The following SH3TC1 variants were observed in gnomAD, a reference collection of about 807,000 sequenced individuals.
SH3TC1 encodes the protein SH3 domain and tetratricopeptide repeat-containing protein 1.
Under a neutral mutation model 117.3 loss-of-function variants are expected in SH3TC1, and 135 were observed. The observed-to-expected ratio is 1.15, with a 90% CI of 1.00 to 1.33. SH3TC1 has a LOEUF of 1.33. Among genes scored for constraint, SH3TC1 ranks in the 40% most tolerant of loss-of-function variants. The pLI, the probability that SH3TC1 is intolerant of heterozygous loss-of-function variation, is 0.00. For synonymous variants in SH3TC1, 898 were observed against 816.9 expected (o/e 1.10, Z -1.69); for missense variants, 2,092 against 1,794.3 (o/e 1.17, Z -3.00).
Position 8,228,442 on chromosome 4 carries a change from G to A in SH3TC1, c.2748G>A (p.Ala916=), listed in dbSNP as rs139620072. ...LANFGALCLH[A]GASRLAQHYL... is the part of the protein sequence containing the mutation. ...ACTTCGGGGCCCTGTGCCTGCATGC[G>A]GGTGCCAGCAGGCTGGCCCAGCACT... Residue 916 remains alanine (A), a synonymous_variant, in exon 12 of 18, where the codon GCG becomes GCA. Transcript: ENST00000245105. The A allele has an allele frequency of 9.2e-5, 148 of 1,604,806 alleles. No homozygotes were observed. In the African/African-American group the frequency reaches 1.5e-3, roughly 16 times the overall value.
chr4:8,233,954 C>T (rs944966501), intron 14 of SH3TC1, among the ~76,000 whole-genome samples: 1 of 143,876 alleles, frequency 7.0e-6, no homozygotes, highest in Non-Finnish European at 1.6e-5. Flanking sequence ...ACCCATCAAT[C>T]CATCCATTCA....
chr4:8,191,737 C>A (rs1230950341), intron 1 of SH3TC1, among the ~76,000 whole-genome samples: 1 of 152,086 alleles, frequency 6.6e-6, no homozygotes, highest in Admixed American at 6.5e-5. Context: ...TTGTGCAGGT[C>A]CTTCCCCCCA....
chr4:8,208,747 C>T (rs1718410067), intron 2 of SH3TC1, among the ~76,000 whole-genome samples: 1 of 152,242 alleles, frequency 6.6e-6, no homozygotes, highest in Admixed American at 6.5e-5. Context: ...GCTCTGGCCA[C>T]ACCGGGCGAG....
intron 1 of SH3TC1, chr4:8,201,360 G>A (rs1717827805): frequency 6.6e-6 from 1 of 152,382 alleles, no homozygotes; most frequent in Non-Finnish European, 1.5e-5. Context: ...CCGGGGTTTG[G>A]CCCCACGTCT....
intron 17 of SH3TC1, among the ~76,000 whole-genome samples, chr4:8,239,691 C>T (rs932997035): frequency 7.9e-5 from 12 of 152,242 alleles, no homozygotes; most frequent in East Asian, 1.9e-4. Flanking sequence ...GGATGCCACC[C>T]GCTTCAGGAA....
chr4:8,237,920 C>T (rs187612110), intron 17 of SH3TC1, among the ~76,000 whole-genome samples: 5 of 152,172 alleles, frequency 3.3e-5, no homozygotes, highest in South Asian at 2.1e-4. Context: ...GGTGGCCTCT[C>T]GGTAAAGAAG....
rs1389001250 is a variant in SH3TC1, at chr4:8,235,575, G to A, written c.3405+20G>A. 5 of 1,573,436 alleles carry A rather than the reference G, an allele frequency of 3.2e-6. No individual in the cohort carries two copies. The highest frequency in any genetic ancestry group is 4.3e-6 in the Non-Finnish European group (5 of 1,157,480). On this transcript the variant is annotated intron_variant, in intron 15 of 17. Transcript: ENST00000245105. ...TACCGGGTGAGCTGGCCTGTGGGCTGATGTGGGTGGGCCCCAGGGGGGGCA... is the reference window on the plus strand; with the variant it reads ...TACCGGGTGAGCTGGCCTGTGGGCTAATGTGGGTGGGCCCCAGGGGGGGCA...
chr4:8,238,977 C>T (rs1722075522), intron 17 of SH3TC1, among the ~76,000 whole-genome samples: 1 of 152,204 alleles, frequency 6.6e-6, no homozygotes, highest in Non-Finnish European at 1.5e-5. Flanking sequence ...TCCAAGGCCA[C>T]ACCCTCCTCC....
chr4:8,231,303 G>C (rs921584607), intron 12 of SH3TC1: 5 of 152,540 alleles, frequency 3.3e-5, no homozygotes, highest in Admixed American at 6.5e-5. Context: ...TGTGGGGCCT[G>C]GCACGTGGCC....
At chr4:8,200,101 A>G (rs1281120) in intron 1 of SH3TC1, among the ~76,000 whole-genome samples, 148,678 of 152,338 alleles carry the variant, frequency 0.98, 72,615 homozygotes, top group East Asian at 1. Context: ...GGGAGTTTCC[A>G]ACCTTTTGCC....
intron 1 of SH3TC1, among the ~76,000 whole-genome samples, chr4:8,193,627 T>C (rs545289522): frequency 2.8e-4 from 42 of 152,322 alleles, no homozygotes; most frequent in African/African-American, 9.9e-4. Flanking sequence ...TCCCAGTCAG[T>C]TTCCTCCACT....
At chr4:8,188,045 T>C (rs1717284986) in intron 1 of SH3TC1, among the ~76,000 whole-genome samples, 1 of 152,210 alleles carries the variant, frequency 6.6e-6, no homozygotes, top group Non-Finnish European at 1.5e-5. Flanking sequence ...CGTTACTTCC[T>C]GATGCGACAA....
intron 2 of SH3TC1, among the ~76,000 whole-genome samples, chr4:8,208,810 C>T (rs74896408): frequency 0.093 from 14,092 of 152,304 alleles, 925 homozygotes; most frequent in Non-Finnish European, 0.13. Context: ...AACACCGTCC[C>T]AATGCAAGGC....
intron 5 of SH3TC1, chr4:8,215,083 A>C: frequency 4.5e-6 from 2 of 448,690 alleles, no homozygotes; most frequent in South Asian, 3.1e-5. Context: ...GCGGAGTCGT[A>C]GACGGATGTG....
chr4:8,233,527 G>A lies in SH3TC1; in HGVS notation c.3282+14G>A. On this transcript the variant is annotated intron_variant, in intron 14 of 17. Transcript: ENST00000245105. The stretch of plus-strand genomic sequence containing the variant: ...CTCTACATCCAGGTGAGTGATGAGG[G>A]ATGCAGGAGGGCCTCTGCACATGTT... The A allele has an allele frequency of 1.3e-6, 2 of 1,595,284 alleles. No individual in the cohort carries two copies. Among genetic ancestry groups the A allele is most frequent in the Non-Finnish European group, 1.7e-6 (2 of 1,170,778 alleles).
rs528065775 is a variant in SH3TC1 at position 8,210,615 on chromosome 4, T to C, written c.247+793T>C. 6.6e-6 allele frequency among the ~76,000 whole-genome samples: 1 copy of C among 151,910 alleles called. No homozygotes were observed. The highest frequency in any genetic ancestry group is 2.4e-5 in the African/African-American group (1 of 41,426). ...GGTGAAACCCCATCTCTACTAAAAA[T>C]ACAAAAATTAGCTGGCGCATGCCTG... On this transcript the variant is annotated intron_variant, in intron 3 of 17. Transcript: ENST00000245105. This position sits in a 1 kb window ranked among gnomAD's most constrained non-coding sequence, Gnocchi z 4.1.
chr4:8,218,843 G>A (rs1450563518), intron 8 of SH3TC1, among the ~76,000 whole-genome samples: 7 of 152,196 alleles, frequency 4.6e-5, no homozygotes, highest in Admixed American at 4.6e-4. Context: ...CTTCTCCTTG[G>A]ATGCCGGGTC....
chr4:8,207,620 A>G (rs769787981), intron 2 of SH3TC1, among the ~76,000 whole-genome samples: 4 of 152,196 alleles, frequency 2.6e-5, no homozygotes, highest in Non-Finnish European at 5.9e-5. Flanking sequence ...TTATCCATTG[A>G]TTTATTTCAT....
intron 3 of SH3TC1, among the ~76,000 whole-genome samples, chr4:8,211,977 G>C (rs1718777161): frequency 6.6e-6 from 1 of 152,110 alleles, no homozygotes; most frequent in African/African-American, 2.4e-5. Context: ...GGGAGGGCCA[G>C]GTGTGGACAG....
Sources: allele counts gnomAD v4.1 joint callset (sites outside exome capture counted in the v4.1 genomes callset), GRCh38; gene constraint gnomAD v4.1.1; non-coding constraint Gnocchi (gnomAD v3.1); transcripts MANE v1.5; gene names NCBI Gene and HGNC (gene_info 2026-07-23, HGNC 2026-07-21).